PALLD: variants seen among roughly 807,000 people sequenced by gnomAD.
PALLD encodes palladin.
Under a neutral mutation model 123.5 loss-of-function variants are expected in PALLD, and 61 were observed. The observed-to-expected ratio is 0.49, with a 90% CI of 0.40 to 0.61. PALLD has a LOEUF of 0.61. Among genes scored for constraint, PALLD ranks in the 20% least tolerant of loss-of-function variants. The pLI, the probability that PALLD is intolerant of heterozygous loss-of-function variation, is 0.00. For missense variants in PALLD, 1,273 were observed against 1,377.0 expected (o/e 0.92, Z 1.20); for synonymous variants, 465 against 496.4 (o/e 0.94, Z 0.84).
intron 10 of PALLD, among the ~76,000 whole-genome samples, chr4:168,816,654 G>C (rs1741998127): frequency 6.6e-6 from 1 of 151,826 alleles, no homozygotes; most frequent in Non-Finnish European, 1.5e-5. Flanking sequence ...CATGCTTTGC[G>C]GTGACTTCCA....
In PALLD at chr4:168,668,312, G is replaced by T. The variant is rs1250609803; in HGVS notation, c.1031G>T (p.Cys344Phe). 2 of 1,613,138 alleles carry T rather than the reference G, an allele frequency of 1.2e-6. No individual in the cohort carries two copies. Among genetic ancestry groups the T allele is most frequent in the Non-Finnish European group, 1.7e-6 (2 of 1,179,284 alleles). Residue 344 changes from cysteine (C) to phenylalanine (F), a missense_variant, in exon 3 of 22, where the codon TGT becomes TTT. Physicochemically the swap from Cys to Phe is radical, Grantham distance 205. Coordinates refer to ENST00000505667, the MANE Select transcript of PALLD (RefSeq NM_001166108.2). ...GAGGACGACACAGGTCGCTACACCT[G>T]TTTGGCTACGAATCCCAGCGGCTCA... ...AFEDDTGRYT[C>F]LATNPSGSDT...
At chr4:168,548,609 G>A (rs779335473) in intron 2 of PALLD, among the ~76,000 whole-genome samples, 1 of 152,062 alleles carries the variant, frequency 6.6e-6, no homozygotes, top group Non-Finnish European at 1.5e-5. Flanking sequence ...GCATTATCAG[G>A]GAAATCTAAT....
intron 8 of PALLD, chr4:168,700,750 C>T (rs1783595437): frequency 6.6e-6 from 1 of 152,202 alleles, no homozygotes; most frequent in African/African-American, 2.4e-5. Context: ...ATAGTCCCAG[C>T]TACCCAGGAG....
At chr4:168,644,368 C>T (rs995775990) in intron 2 of PALLD, among the ~76,000 whole-genome samples, 2 of 152,152 alleles carry the variant, frequency 1.3e-5, no homozygotes, top group Admixed American at 6.5e-5. Context: ...GGATTACAGG[C>T]GTGAGCCACT....
chr4:168,550,653 G>T (rs942655215), intron 2 of PALLD, among the ~76,000 whole-genome samples: 4 of 152,054 alleles, frequency 2.6e-5, no homozygotes, highest in African/African-American at 9.7e-5. Flanking sequence ...CTATGGGGGC[G>T]CCCTCTTTGG....
intron 4 of PALLD, among the ~76,000 whole-genome samples, chr4:168,681,946 G>A (rs1781592707): frequency 6.6e-6 from 1 of 152,112 alleles, no homozygotes; most frequent in South Asian, 2.1e-4. Flanking sequence ...TAGTTTCAAA[G>A]ACAGCCATCT....
chr4:168,711,068 T>C (rs1784791772), intron 9 of PALLD, among the ~76,000 whole-genome samples: 1 of 152,214 alleles, frequency 6.6e-6, no homozygotes, highest in South Asian at 2.1e-4. Context: ...GAGTTATAGT[T>C]GGAGCAATCA....
At chr4:168,832,161 G>A (rs546868594) in intron 10 of PALLD, 3 of 985,404 alleles carry the variant, frequency 3.0e-6, no homozygotes, top group African/African-American at 3.5e-5. Context: ...GAGGCGGCCC[G>A]GAGAGCCGAG....
intron 10 of PALLD, among the ~76,000 whole-genome samples, chr4:168,813,910 C>A (rs1581606476): frequency 6.6e-6 from 1 of 152,162 alleles, no homozygotes; most frequent in South Asian, 2.1e-4. Context: ...CATCTCTGAG[C>A]CCCTTTTCAT....
intron 10 of PALLD, among the ~76,000 whole-genome samples, chr4:168,790,687 A>T (rs1380824404): frequency 6.6e-6 from 1 of 152,088 alleles, no homozygotes; most frequent in Admixed American, 6.5e-5. Context: ...AGCCAGTGTC[A>T]TGCTGTTTTA....
At chr4:168,522,989 A>G (rs1763698398) in intron 2 of PALLD, among the ~76,000 whole-genome samples, 2 of 152,250 alleles carry the variant, frequency 1.3e-5, no homozygotes, top group East Asian at 1.9e-4. Flanking sequence ...ATAACAGTGC[A>G]TGGTAAATTA....
chr4:168,909,715 C>G (rs1456407633), intron 15 of PALLD, among the ~76,000 whole-genome samples: 1 of 152,096 alleles, frequency 6.6e-6, no homozygotes, highest in African/African-American at 2.4e-5. Flanking sequence ...ACTATGATTA[C>G]CAGGGTTAAT....
At chr4:168,532,970 A>C (rs1205160935) in intron 2 of PALLD, among the ~76,000 whole-genome samples, 1 of 152,212 alleles carries the variant, frequency 6.6e-6, no homozygotes, top group Admixed American at 6.5e-5. Flanking sequence ...ATGAAGAGAC[A>C]ATTCTAAAAG....
intron 2 of PALLD, among the ~76,000 whole-genome samples, chr4:168,588,016 C>T (rs934595263): frequency 1.3e-5 from 2 of 152,018 alleles, no homozygotes; most frequent in East Asian, 1.9e-4. Flanking sequence ...GCAGAAACTC[C>T]GTTGAGTCAT....
chr4:168,845,730 C>T (rs1377782118), intron 10 of PALLD, among the ~76,000 whole-genome samples: 5 of 152,152 alleles, frequency 3.3e-5, no homozygotes, highest in Non-Finnish European at 5.9e-5. Context: ...AATCATAAAA[C>T]CTCTTGTAAA....
At chr4:168,715,008 C>G (rs2150229611) in intron 10 of PALLD, among the ~76,000 whole-genome samples, 1 of 152,190 alleles carries the variant, frequency 6.6e-6, no homozygotes. Flanking sequence ...CTGTACTGTC[C>G]AACAGAAGTC....
intron 10 of PALLD, among the ~76,000 whole-genome samples, chr4:168,811,122 A>T (rs893774887): frequency 1.3e-5 from 2 of 152,246 alleles, no homozygotes; most frequent in Non-Finnish European, 1.5e-5. Flanking sequence ...TGAATCTTCC[A>T]AGGAATCAAC....
Position 168,927,189 on chromosome 4 carries a change from G to GAATC in PALLD, c.*1011_*1014dup, listed in dbSNP as rs1363457314. On this transcript the variant is annotated 3_prime_UTR_variant, in exon 22 of 22. Transcript: ENST00000505667. ...ACCAAGGCATATATAGTATTTGGAG[G>GAATC]AATCAGGGGTTTGGAAGGAGTAGGG... 58 of 230,362 alleles carry GAATC rather than the reference G, an allele frequency of 2.5e-4. No individual in the cohort carries two copies. Among genetic ancestry groups the GAATC allele is most frequent in the Non-Finnish European group, 4.8e-4 (56 of 115,976 alleles). The allele number at this position is 230,362 out of a possible 1,614,324, so 14.3% of individuals were successfully genotyped here. A position where few individuals can be genotyped will look rare whatever the true frequency, so the allele number is the denominator to read the frequency against.
At chr4:168,506,302 T>G (rs548832512) in intron 1 of PALLD, among the ~76,000 whole-genome samples, 1 of 152,178 alleles carries the variant, frequency 6.6e-6, no homozygotes, top group Non-Finnish European at 1.5e-5. Flanking sequence ...AAACCTCCAA[T>G]GCACAGAAGT....
Sources: allele counts gnomAD v4.1 joint callset (sites outside exome capture counted in the v4.1 genomes callset), GRCh38; gene constraint gnomAD v4.1.1; transcripts MANE v1.5; gene names NCBI Gene and HGNC (gene_info 2026-07-23, HGNC 2026-07-21).